CAMKMT: variants seen among roughly 807,000 people sequenced by gnomAD.
CAMKMT encodes calmodulin-lysine N-methyltransferase.
Under a neutral mutation model 48.0 loss-of-function variants are expected in CAMKMT, and 53 were observed. That is an observed-to-expected ratio of 1.10 (90% CI 0.89 to 1.39). The LOEUF (loss-of-function observed/expected upper bound fraction) is 1.39, where lower values mean the gene tolerates loss of function less well. Among genes scored for constraint, CAMKMT ranks in the 40% most tolerant of loss-of-function variants. The pLI is 0.00. For synonymous variants in CAMKMT, 165 were observed against 152.3 expected, an observed-to-expected ratio of 1.08 and a Z score of -0.61; for missense variants, 428 against 402.7, an observed-to-expected ratio of 1.06 and a Z score of -0.54.
At chr2:44,437,690 A>G (rs887549099) in intron 3 of CAMKMT, among the ~76,000 whole-genome samples, 1 of 152,078 alleles carries the variant, frequency 6.6e-6, no homozygotes, top group African/African-American at 2.4e-5. Flanking sequence ...CTCTACAATA[A>G]TTATAAAAAT....
intron 3 of CAMKMT, among the ~76,000 whole-genome samples, chr2:44,527,354 A>AC (rs1491226719): frequency 7.0e-6 from 1 of 143,420 alleles, no homozygotes; most frequent in Non-Finnish European, 1.5e-5. Flanking sequence ...ATACATATAT[A>AC]ATATATATAC....
chr2:44,697,202 T>C (rs1410137483), intron 3 of CAMKMT, among the ~76,000 whole-genome samples: 1 of 152,114 alleles, frequency 6.6e-6, no homozygotes, highest in Non-Finnish European at 1.5e-5. Flanking sequence ...TCATGCAAGT[T>C]CTTAAACATT....
chr2:44,539,004 ATG>A, intron 3 of CAMKMT, among the ~76,000 whole-genome samples: 1 of 125,372 alleles, frequency 8.0e-6, no homozygotes, highest in Non-Finnish European at 1.8e-5. Flanking sequence ...GTGTGTGTGT[ATG>A]TATATAATAC....
At chr2:44,755,655 G>T (rs1170602765) in intron 9 of CAMKMT, among the ~76,000 whole-genome samples, 1 of 152,118 alleles carries the variant, frequency 6.6e-6, no homozygotes. Context: ...ATAGAAAAGT[G>T]CCCAAGCTAT....
At chr2:44,376,352 T>G (rs72804980) in intron 2 of CAMKMT, among the ~76,000 whole-genome samples, 1 of 148,618 alleles carries the variant, frequency 6.7e-6, no homozygotes, top group African/African-American at 2.5e-5. Context: ...ACGTGGGAGG[T>G]GGAGGTTGCA....
In CAMKMT at chr2:44,453,809, T is replaced by C. The variant is rs1277263492; in HGVS notation, c.376+63504T>C. Among the ~76,000 whole-genome samples, 6 of 152,218 alleles carry C rather than the reference T, an allele frequency of 3.9e-5. No individual in the cohort carries two copies. The East Asian group carries it at 1.2e-3, about 29-fold the overall frequency. On this transcript the variant is annotated intron_variant, in intron 3 of 10. Transcript: ENST00000378494. ...GGTTTAAAATGAAATTTCTCATTTT[T>C]CTTTCCTGCCATGGGTGAAATAGTC... is the stretch of plus-strand genomic sequence containing the variant.
intron 7 of CAMKMT, among the ~76,000 whole-genome samples, chr2:44,720,977 G>A (rs1205264955): frequency 1.3e-5 from 2 of 152,008 alleles, no homozygotes; most frequent in African/African-American, 4.8e-5. Context: ...CTTCCATTAT[G>A]TTTTACTATG....
At chr2:44,571,103 T>C (rs1443146038) in intron 3 of CAMKMT, among the ~76,000 whole-genome samples, 1 of 152,206 alleles carries the variant, frequency 6.6e-6, no homozygotes, top group Admixed American at 6.5e-5. Flanking sequence ...ACACAAACCA[T>C]GTTTAATGCA....
chr2:44,433,276 T>A (rs1684756807), intron 3 of CAMKMT, among the ~76,000 whole-genome samples: 2 of 152,190 alleles, frequency 1.3e-5, no homozygotes, highest in Admixed American at 6.5e-5. Flanking sequence ...AGCAAGTAAT[T>A]GATTCAGGTA....
chr2:44,598,685 C>T (rs1295376772), intron 3 of CAMKMT, among the ~76,000 whole-genome samples: 1 of 31,844 alleles, frequency 3.1e-5, no homozygotes, highest in African/African-American at 1.2e-4. Flanking sequence ...TTGCAGCAAG[C>T]TTAGGACCTT....
chr2:44,673,435 A>G (rs1309682423), intron 3 of CAMKMT, among the ~76,000 whole-genome samples: 1 of 149,864 alleles, frequency 6.7e-6, no homozygotes, highest in African/African-American at 2.5e-5. Flanking sequence ...TTTAAAAAAA[A>G]AAAAAAAGAG....
chr2:44,408,493 A>T (rs930098112), intron 3 of CAMKMT, among the ~76,000 whole-genome samples: 2 of 151,020 alleles, frequency 1.3e-5, no homozygotes, highest in Non-Finnish European at 2.9e-5. Context: ...CCTGCAATAC[A>T]TAAATTATTA....
chr2:44,591,321 T>C (rs1388799503), intron 3 of CAMKMT, among the ~76,000 whole-genome samples: 2 of 152,226 alleles, frequency 1.3e-5, no homozygotes, highest in Non-Finnish European at 2.9e-5. Context: ...GGGGTTGGCA[T>C]TGAATCTATA....
At chr2:44,394,996 A>G (rs1231186111) in intron 3 of CAMKMT, 1 of 447,206 alleles carries the variant, frequency 2.2e-6, no homozygotes, top group East Asian at 7.0e-5. Flanking sequence ...TTTCCTGTAA[A>G]AAAAAGACAA....
At chr2:44,506,300 G>C (rs929792460) in intron 3 of CAMKMT, among the ~76,000 whole-genome samples, 8 of 152,132 alleles carry the variant, frequency 5.3e-5, no homozygotes, top group African/African-American at 1.9e-4. Flanking sequence ...AAGACTACTT[G>C]TATACCTCAT....
At chr2:44,664,595 A>G (rs150572712) in intron 3 of CAMKMT, among the ~76,000 whole-genome samples, 40 of 152,386 alleles carry the variant, frequency 2.6e-4, no homozygotes, top group Non-Finnish European at 5.1e-4. Flanking sequence ...GAATATTAAT[A>G]CAACCCTAAG....
At chr2:44,563,716 A>C (rs1668455362) in intron 3 of CAMKMT, among the ~76,000 whole-genome samples, 1 of 151,904 alleles carries the variant, frequency 6.6e-6, no homozygotes, top group South Asian at 2.1e-4. Flanking sequence ...GAGTGAGAAC[A>C]TGCGGTGTTT....
chr2:44,431,445 C>T (rs1313853387), intron 3 of CAMKMT, among the ~76,000 whole-genome samples: 4 of 152,124 alleles, frequency 2.6e-5, no homozygotes, highest in Non-Finnish European at 4.4e-5. Context: ...TATTATAGTG[C>T]TAACTGGTTA....
chr2:44,394,614 G>A (rs1320716470), intron 3 of CAMKMT, among the ~76,000 whole-genome samples: 1 of 152,068 alleles, frequency 6.6e-6, no homozygotes, highest in African/African-American at 2.4e-5. Flanking sequence ...TTTTAGTAGA[G>A]ACGGAGTTTC....
Sources: gnomAD v4.1 joint callset for allele counts (sites outside exome capture counted in the v4.1 genomes callset) on GRCh38, gnomAD v4.1.1 for gene constraint, MANE v1.5 for transcripts, NCBI Gene and HGNC (gene_info 2026-07-23, HGNC 2026-07-21) for gene names.